Variants in PTPRD observed in about 807,000 individuals in gnomAD.
The protein encoded by PTPRD is protein tyrosine phosphatase receptor type D, also known as receptor-type tyrosine-protein phosphatase delta.
A neutral mutation model predicts 214.5 loss-of-function variants in PTPRD; 34 were observed. That is an observed-to-expected ratio of 0.16 (90% confidence interval 0.12 to 0.21). PTPRD has a LOEUF of 0.21. PTPRD is among the 10% of genes least tolerant of loss of function. PTPRD has a pLI of 1.00. For synonymous variants in PTPRD, 1,128 were observed against 845.7 expected (o/e 1.33, Z -5.79); for missense variants, 2,545 against 2,398.7 (o/e 1.06, Z -1.27).
chr9:10,328,865 C>T (rs757857780), intron 3 of PTPRD, among the ~76,000 whole-genome samples: 14 of 151,724 alleles, frequency 9.2e-5, no homozygotes, highest in Admixed American at 2.6e-4. Context: ...AATGTCATTT[C>T]GATGGAAGAT....
At chr9:10,384,661 G>A (rs2154486109) in intron 2 of PTPRD, among the ~76,000 whole-genome samples, 1 of 151,298 alleles carries the variant, frequency 6.6e-6, no homozygotes, top group East Asian at 2.0e-4. Context: ...TTAAAAAATT[G>A]TATAAGAAAT....
chr9:9,868,796 G>A (rs1484849218), intron 5 of PTPRD, among the ~76,000 whole-genome samples: 1 of 151,730 alleles, frequency 6.6e-6, no homozygotes, highest in Admixed American at 6.6e-5. Flanking sequence ...AAACAATAAA[G>A]AATTTGGCTG....
intron 5 of PTPRD, among the ~76,000 whole-genome samples, chr9:9,935,806 CACA>C (rs2089105208): frequency 1.3e-5 from 2 of 149,192 alleles, no homozygotes; most frequent in Admixed American, 6.6e-5. Flanking sequence ...CTGGAGGCAT[CACA>C]CTACCTGACT....
At chr9:8,691,613 A>G (rs1157053890) in intron 12 of PTPRD, among the ~76,000 whole-genome samples, 3 of 152,182 alleles carry the variant, frequency 2.0e-5, no homozygotes, top group African/African-American at 7.2e-5. Context: ...TTGCCTGAAT[A>G]TACTTATTGG....
intron 11 of PTPRD, among the ~76,000 whole-genome samples, chr9:8,791,260 C>T (rs1322687134): frequency 6.6e-6 from 1 of 152,024 alleles, no homozygotes; most frequent in African/African-American, 2.4e-5. Context: ...GAGTCTCGCT[C>T]TGTTGCCCAG....
intron 9 of PTPRD, among the ~76,000 whole-genome samples, chr9:9,242,968 G>A (rs143751971): frequency 0.02 from 2,981 of 152,148 alleles, 92 homozygotes; most frequent in African/African-American, 0.058. Flanking sequence ...CCATCTTTGT[G>A]GTTTTATCTG....
Position 9,408,333 on chromosome 9 carries a change from G to A in PTPRD, c.-236-10851C>T, listed in dbSNP as rs532454232. The stretch of plus-strand genomic sequence containing the variant: ...AAAACAAATAAAATACCATTTATGA[G>A]AAAGCATTTAAGAAAATCATAAGCA... On this transcript the variant is annotated intron_variant, in intron 8 of 45. Transcript: ENST00000381196. Among the ~76,000 whole-genome samples the A allele has an allele frequency of 1.8e-4, 27 of 151,904 alleles. No homozygotes were observed. In the East Asian group the frequency reaches 4.1e-3, roughly 23 times the overall value.
rs145605112 is a variant in PTPRD, at chr9:9,306,826, T to C, written c.-203+90623A>G. On this transcript the variant is annotated intron_variant, in intron 9 of 45. Transcript: ENST00000381196. ...TTAAAGAAGTATTCCATTTTACTAT[T>C]ATAATCCAAATCGTTAGCAAGATTT... 4.6e-3 allele frequency among the ~76,000 whole-genome samples: 693 copies of C among 152,282 alleles called. 1 individual carries two copies. The highest frequency in any genetic ancestry group is 7.5e-3 in the Non-Finnish European group (508 of 68,020).
At chr9:9,808,559 T>C (rs2046148006) in intron 5 of PTPRD, among the ~76,000 whole-genome samples, 1 of 152,166 alleles carries the variant, frequency 6.6e-6, no homozygotes, top group African/African-American at 2.4e-5. Context: ...AGACTTTATC[T>C]ATATAATAAG....
At chr9:8,589,186 T>C (rs540665954) in intron 14 of PTPRD, among the ~76,000 whole-genome samples, 15 of 152,202 alleles carry the variant, frequency 9.9e-5, no homozygotes, top group Non-Finnish European at 1.8e-4. Flanking sequence ...CTTTACACTA[T>C]GAAGAGTTGC....
chr9:9,813,825 A>C (rs574735536), intron 5 of PTPRD, among the ~76,000 whole-genome samples: 22 of 152,214 alleles, frequency 1.4e-4, no homozygotes, highest in African/African-American at 5.3e-4. Context: ...TTATAGACCA[A>C]CATTTCTGAT....
At chr9:9,790,313 T>A (rs1458891212) in intron 5 of PTPRD, among the ~76,000 whole-genome samples, 1 of 148,814 alleles carries the variant, frequency 6.7e-6, no homozygotes, top group Non-Finnish European at 1.5e-5. Flanking sequence ...CATCATCTAA[T>A]TTGTTTCCTG....
chr9:8,468,321 A>G (rs1254831701), intron 31 of PTPRD, among the ~76,000 whole-genome samples: 2 of 151,958 alleles, frequency 1.3e-5, no homozygotes, highest in Non-Finnish European at 2.9e-5. Flanking sequence ...AAATGACCAC[A>G]TTATTTTACA....
rs763376371 is a variant in PTPRD, at chr9:8,518,211, C to T, written c.1180G>A (p.Val394Ile). Reference protein sequence around the residue: ...SPYSDYEFRVVAVNNIGRGPP... With the variant: ...SPYSDYEFRVIAVNNIGRGPP... ...CCCCGCCCAATGTTATTGACAGCAA[C>T]AACCCTGAATTCATAATCCGAGTAG... Residue 394 changes from valine to isoleucine, a missense_variant, in exon 21 of 46, where the codon GTT becomes ATT. Coordinates refer to ENST00000381196, the MANE Select transcript of PTPRD (RefSeq NM_002839.4). The T allele has an allele frequency of 6.2e-7, 1 of 1,614,170 alleles. No individual in the cohort carries two copies. Among genetic ancestry groups the T allele is most frequent in the Non-Finnish European group, 8.5e-7 (1 of 1,180,012 alleles).
chr9:10,532,868 T>C (rs1047371592), intron 2 of PTPRD, among the ~76,000 whole-genome samples: 1 of 151,982 alleles, frequency 6.6e-6, no homozygotes, highest in African/African-American at 2.4e-5. Context: ...TGGCTCCTCA[T>C]GTAAATTTTC....
chr9:10,168,220 T>G (rs1253485831), intron 3 of PTPRD, among the ~76,000 whole-genome samples: 1 of 152,196 alleles, frequency 6.6e-6, no homozygotes. Context: ...TGTAATAAAA[T>G]CTAGTTTAAC....
At chr9:9,956,471 G>C (rs1394471233) in intron 4 of PTPRD, among the ~76,000 whole-genome samples, 1 of 152,056 alleles carries the variant, frequency 6.6e-6, no homozygotes, top group East Asian at 1.9e-4. Flanking sequence ...ATATGTGCCT[G>C]TGGGTTTGCA....
At chr9:10,001,938 C>A (rs1654560074) in intron 4 of PTPRD, among the ~76,000 whole-genome samples, 1 of 151,880 alleles carries the variant, frequency 6.6e-6, no homozygotes, top group African/African-American at 2.4e-5. Flanking sequence ...TTTTATACTC[C>A]TACCTGACTT....
chr9:9,195,131 T>C (rs1017048690), intron 9 of PTPRD, among the ~76,000 whole-genome samples: 2 of 143,662 alleles, frequency 1.4e-5, no homozygotes, highest in Non-Finnish European at 3.1e-5. Flanking sequence ...TATACATACA[T>C]ACCCATATAT....
Sources: gnomAD v4.1 joint callset for allele counts (sites outside exome capture counted in the v4.1 genomes callset) on GRCh38, gnomAD v4.1.1 for gene constraint, MANE v1.5 for transcripts, NCBI Gene and HGNC (gene_info 2026-07-23, HGNC 2026-07-21) for gene names.